KMT2E: variants seen among roughly 807,000 people sequenced by gnomAD.
KMT2E encodes lysine methyltransferase 2E (inactive), also known as histone reader KMT2E.
KMT2E carries 30 observed loss-of-function variants against 184.6 expected under a neutral mutation model. That is an observed-to-expected ratio of 0.16 (90% CI 0.12 to 0.22). The LOEUF (loss-of-function observed/expected upper bound fraction) is 0.22, where lower values mean the gene tolerates loss of function less well. Among genes scored for constraint, KMT2E ranks in the 10% least tolerant of loss-of-function variants. KMT2E has a pLI of 1.00. For missense variants in KMT2E, 2,023 were observed against 2,237.4 expected (o/e 0.90, Z 1.93); for synonymous variants, 815 against 776.5 (o/e 1.05, Z -0.82).
chr7:105,112,056 T>C lies in KMT2E; in HGVS notation c.4300T>C (p.Ser1434Pro), dbSNP rs1049935520. The C allele has an allele frequency of 6.2e-7, 1 of 1,614,216 alleles. No homozygotes were observed. Among genetic ancestry groups the C allele is most frequent in the Non-Finnish European group, 8.5e-7 (1 of 1,180,028 alleles). Residue 1434 changes from serine (S) to proline (P), a missense_variant, in exon 27 of 27, where the codon TCT (serine) becomes CCT (proline). Physicochemically the swap from Ser to Pro is moderately conservative, Grantham distance 74 (BLOSUM62 -1). Transcript: ENST00000311117. Reference sequence around the variant, plus strand: ...TGAGCAACTTTCACAAAAGCTGCCTTCTGTGCCAACAAAGTTGCACTGTCC... The same window carrying C: ...TGAGCAACTTTCACAAAAGCTGCCTCCTGTGCCAACAAAGTTGCACTGTCC... ...SSEQLSQKLPSVPTKLHCPPS... is the reference protein window; with the variant it reads ...SSEQLSQKLPPVPTKLHCPPS...
chr7:105,050,638 CTTTTCTT>C (rs72228513), intron 3 of KMT2E, among the ~76,000 whole-genome samples: 36,719 of 150,136 alleles, frequency 0.24, 4,561 homozygotes, highest in Middle Eastern at 0.27. Context: ...TTTCTTTTCT[CTTTTCTT>C]TTTTCTTTCT....
intron 3 of KMT2E, among the ~76,000 whole-genome samples, chr7:105,051,415 C>A (rs1024263312): frequency 1.1e-4 from 16 of 151,974 alleles, no homozygotes. Flanking sequence ...AAACTCCCGA[C>A]CTCAGGTGAT....
chr7:105,036,361 G>A (rs901023435), intron 1 of KMT2E, among the ~76,000 whole-genome samples: 1 of 151,818 alleles, frequency 6.6e-6, no homozygotes, highest in Non-Finnish European at 1.5e-5. Context: ...TAGGGACACG[G>A]TTACACCATG....
chr7:105,108,550 GT>G, intron 22 of KMT2E: 2 of 456,428 alleles, frequency 4.4e-6, no homozygotes, highest in Non-Finnish European at 8.8e-6. Context: ...ACAGAGTCCA[GT>G]TGGCAACTTT....
chr7:105,027,917 A>T lies in KMT2E; in HGVS notation c.-188-10209A>T, dbSNP rs1266907525. Among the ~76,000 whole-genome samples, 7 of 152,130 alleles carry T rather than the reference A, an allele frequency of 4.6e-5. No homozygotes were observed. The East Asian group carries it at 1.3e-3, about 29-fold the overall frequency. On this transcript the variant is annotated intron_variant, in intron 1 of 26. Transcript: ENST00000311117. ...GATTTTTATAGTAAATATTTTAAATACATCTGAAATATTAAGATAATTATT... is the reference window on the plus strand; with the variant it reads ...GATTTTTATAGTAAATATTTTAAATTCATCTGAAATATTAAGATAATTATT...
intron 2 of KMT2E, 77 bp from the exon 3 acceptor site, chr7:105,040,762 A>G (rs1301276409): frequency 1.0e-5 from 4 of 384,700 alleles, no homozygotes; most frequent in Non-Finnish European, 1.8e-5. Flanking sequence ...ATTTTAATAA[A>G]GAATGTTTTC....
chr7:105,014,663 CTT>C (rs777181200), intron 1 of KMT2E, 128 bp downstream of exon 1: 1 of 152,148 alleles, frequency 6.6e-6, no homozygotes, highest in Non-Finnish European at 1.5e-5. Context: ...TCTCAGGTGT[CTT>C]TGCCGGCGCA....
At position 105,110,845 on chromosome 7, in the gene KMT2E, A is replaced by G. The variant is rs753273195; in HGVS notation, c.4045A>G (p.Lys1349Glu). ...PSPDTSQNTC[K>E]SPPKMSKPGS... ...CCCAGATACTTCTCAAAATACTTGT[A>G]AAAGTCCTCCAAAAATGAGCAAGGT... The change falls in exon 26 of 27, where the codon AAA (lysine) becomes GAA (glutamate). Residue 1349 changes from lysine (K) to glutamate (E), a missense_variant. Physicochemically the swap from Lys to Glu is moderately conservative, Grantham distance 56 (BLOSUM62 1). Around this residue, in one of 8 missense-constraint regions of KMT2E, gnomAD observed 1,108 missense variants for 1,050.9 expected, o/e 1.05. Transcript: ENST00000311117. 3 of 1,613,742 alleles carry G rather than the reference A, an allele frequency of 1.9e-6. No homozygotes were observed. Among genetic ancestry groups the G allele is most frequent in the Non-Finnish European group, 2.5e-6 (3 of 1,179,648 alleles).
chr7:105,102,984 T>A (rs1798720929), intron 17 of KMT2E: 1 of 152,218 alleles, frequency 6.6e-6, no homozygotes. Context: ...TTAAATAATT[T>A]ACTTGCCAAA....
intron 17 of KMT2E, chr7:105,103,821 CTTTT>C (rs1322950842): frequency 2.2e-5 from 3 of 134,716 alleles, no homozygotes; most frequent in Non-Finnish European, 4.7e-5. Flanking sequence ...TGTACATTTT[CTTTT>C]TCTTTTTTTT....
intron 3 of KMT2E, among the ~76,000 whole-genome samples, chr7:105,058,233 C>G (rs559821845): frequency 3.3e-5 from 5 of 152,184 alleles, no homozygotes; most frequent in African/African-American, 1.2e-4. Context: ...TTCTCTTTTT[C>G]TATTTTTCTT....
At chr7:105,087,014 T>C (rs1284390646) in intron 13 of KMT2E, among the ~76,000 whole-genome samples, 2 of 146,866 alleles carry the variant, frequency 1.4e-5, no homozygotes, top group East Asian at 3.9e-4. Context: ...TTGGCAAATA[T>C]ATAGCATATA....
rs758445124 is a variant in KMT2E, at chr7:105,102,216, G to C, written c.2196+22G>C. On this transcript the variant is annotated intron_variant, in intron 17 of 26. Transcript: ENST00000311117. ...GAAGGTATGATTCTAATGAATGTAA[G>C]AACTGTTTTTCTAACAGTTTCTTAT... 7.2e-5 allele frequency: 112 copies of C among 1,547,986 alleles called. 1 individual carries two copies. The highest frequency in any genetic ancestry group is 3.4e-4 in the Middle Eastern group (2 of 5,814).
intron 1 of KMT2E, among the ~76,000 whole-genome samples, chr7:105,026,316 G>A (rs149892512): frequency 6.6e-6 from 1 of 152,292 alleles, no homozygotes; most frequent in Non-Finnish European, 1.5e-5. Flanking sequence ...TCTGCTAGAT[G>A]AAATAAGAGA....
intron 23 of KMT2E, 145 bp from the exon 24 acceptor site, chr7:105,110,135 G>A (rs1799140559): frequency 1.5e-6 from 1 of 686,550 alleles, no homozygotes; most frequent in Admixed American, 2.6e-5. Context: ...GCCCTGCCAA[G>A]ATTAACTATT....
chr7:105,086,379 A>G (rs534849563), intron 13 of KMT2E, among the ~76,000 whole-genome samples: 1 of 152,172 alleles, frequency 6.6e-6, no homozygotes, highest in Non-Finnish European at 1.5e-5. Context: ...AGAAGCTTGT[A>G]CCAGTTTCCT....
chr7:105,089,198 AC>A, intron 13 of KMT2E: 2 of 395,440 alleles, frequency 5.1e-6, no homozygotes, highest in Non-Finnish European at 9.9e-6. Context: ...AAAATCCTAA[AC>A]TTTTTTTGTT....
intron 22 of KMT2E, 80 bp from the exon 23 acceptor site, chr7:105,108,862 T>G (rs1248574958): frequency 1.2e-5 from 15 of 1,201,944 alleles, no homozygotes; most frequent in Non-Finnish European, 1.7e-5. Context: ...GTAATTCTCT[T>G]TAGACAAAAA....
chr7:105,025,821 A>G (rs1003226751), intron 1 of KMT2E, among the ~76,000 whole-genome samples: 3 of 152,214 alleles, frequency 2.0e-5, no homozygotes, highest in African/African-American at 7.2e-5. Flanking sequence ...TTGCTGAAGA[A>G]AATTGTAGTC....
Sources: gnomAD v4.1 joint callset for allele counts (sites outside exome capture counted in the v4.1 genomes callset) on GRCh38, gnomAD v4.1.1 for gene constraint, gnomAD v4.1.1 regional missense constraint, MANE v1.5 for transcripts, NCBI Gene and HGNC (gene_info 2026-07-23, HGNC 2026-07-21) for gene names.